Variants in HS2ST1 observed in about 807,000 individuals in gnomAD.
The protein encoded by HS2ST1 is 2-O-sulfotransferase.
Under a neutral mutation model 42.9 loss-of-function variants are expected in HS2ST1, and 18 were observed. The ratio of observed to expected loss-of-function variants is 0.42; its 90% CI spans 0.29 to 0.62. HS2ST1 has a LOEUF of 0.62. Among genes scored for constraint, HS2ST1 ranks in the 20% least tolerant of loss-of-function variants. The pLI is 0.21. For missense variants in HS2ST1, 334 were observed against 433.8 expected, an observed-to-expected ratio of 0.77 and a Z score of 2.04; for synonymous variants, 146 against 152.9, an observed-to-expected ratio of 0.95 and a Z score of 0.33.
chr1:86,935,859 A>G (rs1253464467), intron 1 of HS2ST1, among the ~76,000 whole-genome samples: 2 of 152,286 alleles, frequency 1.3e-5, no homozygotes, highest in Admixed American at 1.3e-4. Flanking sequence ...TTTAATTCAC[A>G]TGAAAGTTGC....
At chr1:87,009,357 T>C (rs1649528756) in intron 1 of HS2ST1, among the ~76,000 whole-genome samples, 1 of 152,170 alleles carries the variant, frequency 6.6e-6, no homozygotes, top group South Asian at 2.1e-4. Context: ...TCTCAGACAT[T>C]GAAGAGATTT....
At chr1:87,102,598 A>T (rs1652239549) in intron 5 of HS2ST1, among the ~76,000 whole-genome samples, 1 of 152,222 alleles carries the variant, frequency 6.6e-6, no homozygotes, top group Admixed American at 6.5e-5. Context: ...CTGGCCTTTT[A>T]TATAAAAAGT....
chr1:86,992,868 A>G, intron 1 of HS2ST1: 1 of 517,882 alleles, frequency 1.9e-6, no homozygotes, highest in Non-Finnish European at 3.4e-6. Flanking sequence ...TTTTTATTCT[A>G]GTTTTGATGA....
chr1:86,952,227 GT>G (rs776273675), intron 1 of HS2ST1, among the ~76,000 whole-genome samples: 4 of 152,056 alleles, frequency 2.6e-5, no homozygotes, highest in Non-Finnish European at 5.9e-5. Flanking sequence ...CTTACAAAAT[GT>G]TTTTCTTAAA....
intron 1 of HS2ST1, among the ~76,000 whole-genome samples, chr1:86,932,721 G>T (rs1263687708): frequency 6.6e-6 from 1 of 152,156 alleles, no homozygotes; most frequent in Non-Finnish European, 1.5e-5. Flanking sequence ...CTCTTTTCAA[G>T]GGGAGGAGAC....
chr1:86,957,767 C>G (rs1395417341), intron 1 of HS2ST1, among the ~76,000 whole-genome samples: 1 of 150,654 alleles, frequency 6.6e-6, no homozygotes, highest in East Asian at 1.9e-4. Flanking sequence ...AAATCATTAC[C>G]TGGAAGATAT....
intron 2 of HS2ST1, among the ~76,000 whole-genome samples, chr1:87,078,499 A>C (rs1464618552): frequency 6.6e-6 from 1 of 152,198 alleles, no homozygotes; most frequent in Non-Finnish European, 1.5e-5. Flanking sequence ...TGACTACTAC[A>C]TCTGAAACAT....
At chr1:87,015,090 C>T (rs1649711685) in intron 1 of HS2ST1, among the ~76,000 whole-genome samples, 1 of 152,024 alleles carries the variant, frequency 6.6e-6, no homozygotes, top group Admixed American at 6.6e-5. Flanking sequence ...CGCTCTGTCA[C>T]CAAGCTGGAG....
intron 2 of HS2ST1, among the ~76,000 whole-genome samples, chr1:87,077,247 C>G (rs1187786706): frequency 6.6e-6 from 1 of 152,126 alleles, no homozygotes; most frequent in Non-Finnish European, 1.5e-5. Context: ...AATTGTTATT[C>G]CTACCTCCCC....
chr1:87,064,462 A>C lies in HS2ST1; in HGVS notation c.125-8472A>C, dbSNP rs74099239. On this transcript the variant is annotated intron_variant, in intron 1 of 6. Coordinates refer to ENST00000370550, the MANE Select transcript of HS2ST1 (RefSeq NM_012262.4). ...CTACTCCATCTTCCCTTAAAGTGGA[A>C]GTCACTGTTAGCTCTTTTTTATAGG... The C allele has an allele frequency of 9.3e-4, 484 of 518,542 alleles. 4 individuals are homozygous for C. The highest frequency in any genetic ancestry group is 8.6e-3 in the African/African-American group (447 of 52,088). The allele number at this position is 518,542 out of a possible 1,614,324, so 32.1% of individuals were successfully genotyped here. A position where few individuals can be genotyped will look rare whatever the true frequency, so the allele number is the denominator to read the frequency against.
chr1:87,066,161 T>C (rs1003323983), intron 1 of HS2ST1, among the ~76,000 whole-genome samples: 1 of 152,238 alleles, frequency 6.6e-6, no homozygotes, highest in Non-Finnish European at 1.5e-5. Flanking sequence ...ATAAAGTCTT[T>C]AAGGGCCTGT....
chr1:87,042,222 T>G (rs553754490), intron 1 of HS2ST1, among the ~76,000 whole-genome samples: 1 of 152,172 alleles, frequency 6.6e-6, no homozygotes, highest in Non-Finnish European at 1.5e-5. Context: ...GTTACAGCTG[T>G]TAACCCCTTA....
At chr1:86,996,317 C>T (rs897314975) in intron 1 of HS2ST1, among the ~76,000 whole-genome samples, 5 of 151,908 alleles carry the variant, frequency 3.3e-5, no homozygotes, top group Non-Finnish European at 4.4e-5. Flanking sequence ...TGGCACATCC[C>T]GGTAATCCCA....
chr1:87,008,877 T>A (rs1198474764), intron 1 of HS2ST1, among the ~76,000 whole-genome samples: 3 of 152,218 alleles, frequency 2.0e-5, no homozygotes, highest in African/African-American at 4.8e-5. Context: ...AGGGTCTCAG[T>A]CTGTCACCCA....
chr1:87,076,698 T>C (rs115315928), intron 2 of HS2ST1, among the ~76,000 whole-genome samples: 254 of 152,340 alleles, frequency 1.7e-3, no homozygotes, highest in African/African-American at 5.8e-3. Context: ...TCAACTCTTC[T>C]AGTTGAAAAA....
intron 1 of HS2ST1, among the ~76,000 whole-genome samples, chr1:86,917,967 C>T (rs1248725248): frequency 6.6e-6 from 1 of 152,156 alleles, no homozygotes; most frequent in Non-Finnish European, 1.5e-5. Context: ...CGTGCAAAAT[C>T]ACAATGTTAA....
rs1392305071 is a variant in HS2ST1 at position 87,104,672 on chromosome 1, A to C, written c.1047A>C (p.Glu349Asp). Residue 349 changes from glutamate to aspartate, a missense_variant, in exon 7 of 7, where the codon GAA (glutamate) becomes GAC (aspartate). By Grantham distance (45) the Glu-to-Asp change is conservative (BLOSUM62 2). Coordinates refer to ENST00000370550, the MANE Select transcript of HS2ST1 (RefSeq NM_012262.4). ...LYILAQNFFY[E>D]KIYPKSN The stretch of plus-strand genomic sequence containing the variant: ...TCCTCGCACAAAACTTTTTCTATGA[A>C]AAGATTTACCCTAAGTCGAACTGAG... 1 of 1,610,418 alleles carries C rather than the reference A, an allele frequency of 6.2e-7. No individual in the cohort carries two copies. The highest frequency in any genetic ancestry group is 1.1e-5 in the South Asian group (1 of 90,996).
In HS2ST1 at chr1:87,109,209, C is replaced by T. The variant is rs1308391586; in HGVS notation, c.*4513C>T. ...AATTGGTGTCCTGTTTTAATATTTTCTTTTGTAGCCTTGACACTGATGGAC... is the reference window on the plus strand; with the variant it reads ...AATTGGTGTCCTGTTTTAATATTTTTTTTTGTAGCCTTGACACTGATGGAC... On this transcript the variant is annotated 3_prime_UTR_variant, in exon 7 of 7. Transcript: ENST00000370550. 1 of 152,438 alleles carries T rather than the reference C, an allele frequency of 6.6e-6. No homozygotes were observed. The highest frequency in any genetic ancestry group is 1.5e-5 in the Non-Finnish European group (1 of 67,952). The allele number at this position is 152,438 out of a possible 1,614,324, so 9.4% of individuals were successfully genotyped here. A position where few individuals can be genotyped will look rare whatever the true frequency, so the allele number is the denominator to read the frequency against.
At chr1:86,960,018 A>G (rs1174023362) in intron 1 of HS2ST1, among the ~76,000 whole-genome samples, 3 of 152,222 alleles carry the variant, frequency 2.0e-5, no homozygotes, top group African/African-American at 4.8e-5. Context: ...GACTGACACT[A>G]TTGTACTTAA....
Sources: allele counts gnomAD v4.1 joint callset (sites outside exome capture counted in the v4.1 genomes callset), GRCh38; gene constraint gnomAD v4.1.1; transcripts MANE v1.5; gene names NCBI Gene and HGNC (gene_info 2026-07-23, HGNC 2026-07-21).